MECOM: variants seen among roughly 807,000 people sequenced by gnomAD.
MECOM encodes MDS1 and EVI1 complex locus.
A neutral mutation model predicts 116.3 loss-of-function variants in MECOM; 13 were observed. The observed-to-expected ratio is 0.11, with a 90% CI of 0.07 to 0.18. The LOEUF is 0.18. Ranked by LOEUF, MECOM falls within the 10% of genes least tolerant of loss-of-function variation. MECOM has a pLI of 1.00. For synonymous variants in MECOM, 528 were observed against 535.2 expected, an observed-to-expected ratio of 0.99 and a Z score of 0.19; for missense variants, 1,299 against 1,509.0, an observed-to-expected ratio of 0.86 and a Z score of 2.31.
intron 1 of MECOM, chr3:169,484,174 C>T (rs897171753): frequency 2.1e-5 from 13 of 631,382 alleles, no homozygotes; most frequent in African/African-American, 1.8e-4. Flanking sequence ...TTGCCCAATC[C>T]CATTACTGCT....
intron 1 of MECOM, among the ~76,000 whole-genome samples, chr3:169,401,545 C>T (rs1577988187): frequency 6.6e-6 from 1 of 152,100 alleles, no homozygotes; most frequent in Admixed American, 6.5e-5. Flanking sequence ...ACATAGTACC[C>T]ACGATCAACG....
intron 12 of MECOM, among the ~76,000 whole-genome samples, chr3:169,100,334 A>T (rs139977333): frequency 6.6e-6 from 1 of 151,908 alleles, no homozygotes; most frequent in Non-Finnish European, 1.5e-5. Flanking sequence ...CCTGACCTCA[A>T]GGGATCCACC....
intron 2 of MECOM, among the ~76,000 whole-genome samples, chr3:169,177,481 G>A (rs74977667): frequency 3.3e-5 from 5 of 152,052 alleles, no homozygotes; most frequent in Admixed American, 6.6e-5. Flanking sequence ...GGTGGAGGGC[G>A]AGGGGAAGGA....
intron 1 of MECOM, among the ~76,000 whole-genome samples, chr3:169,383,325 C>T (rs1032952505): frequency 3.3e-5 from 5 of 152,158 alleles, no homozygotes; most frequent in African/African-American, 1.2e-4. Flanking sequence ...AACATACAAG[C>T]TCATTATCAT....
Position 169,116,398 on chromosome 3 carries a change from G to A in MECOM, c.1474C>T (p.Pro492Ser). Residue 492 changes from proline to serine, a missense_variant, in exon 8 of 17, where the codon CCT (proline) becomes TCT (serine). Physicochemically the swap from Pro to Ser is moderately conservative, Grantham distance 74. Around this residue, in one of 6 missense-constraint regions of MECOM, gnomAD observed 238 missense variants for 273.1 expected, o/e 0.87. Transcript: ENST00000651503. ...TACAAGCCGGAAGGAAACAGACCAG[G>A]GAAGCTAAAAGAAAATCCAGGAGCT... ...PTAPGFSFSF[P>S]GLFPSGLYHR... 1 of 1,614,168 alleles carries A rather than the reference G, an allele frequency of 6.2e-7. No individual in the cohort carries two copies. The highest frequency in any genetic ancestry group is 8.5e-7 in the Non-Finnish European group (1 of 1,180,038).
chr3:169,588,613 A>ATTTT (rs924890587), intron 1 of MECOM, among the ~76,000 whole-genome samples: 1 of 151,686 alleles, frequency 6.6e-6, no homozygotes, highest in Admixed American at 6.6e-5. Context: ...TGATGGAGAG[A>ATTTT]TTTTTTTTTA....
At chr3:169,520,120 T>C (rs911338691) in intron 1 of MECOM, among the ~76,000 whole-genome samples, 18 of 152,188 alleles carry the variant, frequency 1.2e-4, no homozygotes, top group African/African-American at 4.1e-4. Flanking sequence ...TCTGAGAATG[T>C]AACCAACATG....
intron 2 of MECOM, among the ~76,000 whole-genome samples, chr3:169,380,165 A>G (rs1209036404): frequency 2.0e-5 from 3 of 152,162 alleles, no homozygotes; most frequent in Non-Finnish European, 4.4e-5. Context: ...CTAACCAGAT[A>G]TTCTATTAAT....
chr3:169,535,425 A>C (rs535753558), intron 1 of MECOM, among the ~76,000 whole-genome samples: 1 of 152,306 alleles, frequency 6.6e-6, no homozygotes, highest in Admixed American at 6.5e-5. Context: ...CAAACATGAA[A>C]GAAAATATAG....
intron 2 of MECOM, among the ~76,000 whole-genome samples, chr3:169,317,068 T>C (rs1019224715): frequency 2.0e-5 from 3 of 152,204 alleles, no homozygotes; most frequent in African/African-American, 7.2e-5. Context: ...AAAGAGTTTA[T>C]TCAACAGTTT....
intron 1 of MECOM, among the ~76,000 whole-genome samples, chr3:169,465,037 A>G (rs992686157): frequency 3.9e-5 from 6 of 152,164 alleles, no homozygotes; most frequent in East Asian, 1.9e-4. Context: ...AAATCTTACA[A>G]TGAATACTTA....
At chr3:169,554,773 G>A (rs1761837510) in intron 1 of MECOM, among the ~76,000 whole-genome samples, 2 of 152,202 alleles carry the variant, frequency 1.3e-5, no homozygotes, top group Non-Finnish European at 2.9e-5. Flanking sequence ...CCAAGGAGCA[G>A]CTAGTCAGGC....
At chr3:169,212,513 C>A (rs947074589) in intron 2 of MECOM, among the ~76,000 whole-genome samples, 1 of 150,560 alleles carries the variant, frequency 6.6e-6, no homozygotes, top group Non-Finnish European at 1.5e-5. Flanking sequence ...ACTACTTGCC[C>A]TGTCTTTTAA....
intron 1 of MECOM, among the ~76,000 whole-genome samples, chr3:169,426,412 C>T (rs576018602): frequency 2.6e-5 from 4 of 152,226 alleles, no homozygotes; most frequent in African/African-American, 9.6e-5. Context: ...ACGGTGGACA[C>T]TCAGGCAGGG....
chr3:169,594,893 A>C (rs1221457062), intron 1 of MECOM, among the ~76,000 whole-genome samples: 19 of 146,162 alleles, frequency 1.3e-4, no homozygotes, highest in Non-Finnish European at 2.1e-4. Flanking sequence ...AAAAAAAAAC[A>C]AAAAAAAAAC....
intron 1 of MECOM, among the ~76,000 whole-genome samples, chr3:169,390,780 A>G (rs552991303): frequency 1.3e-5 from 2 of 152,276 alleles, no homozygotes; most frequent in East Asian, 3.9e-4. Flanking sequence ...AGGAGAGACC[A>G]AAACTCAGGA....
chr3:169,248,897 G>T (rs887772857), intron 2 of MECOM, among the ~76,000 whole-genome samples: 1 of 152,238 alleles, frequency 6.6e-6, no homozygotes, highest in Middle Eastern at 3.4e-3. Context: ...CCCCGGAATT[G>T]TAAGGAAATG....
intron 1 of MECOM, among the ~76,000 whole-genome samples, chr3:169,604,590 C>T (rs1768270920): frequency 1.3e-5 from 2 of 152,188 alleles, no homozygotes. Flanking sequence ...GCTGAAGACA[C>T]AGGGAGCCCA....
chr3:169,600,983 T>A (rs1201589680), intron 1 of MECOM, among the ~76,000 whole-genome samples: 1 of 152,236 alleles, frequency 6.6e-6, no homozygotes, highest in African/African-American at 2.4e-5. Flanking sequence ...CAGCTAGGAA[T>A]ATGCAATCAA....
Sources: allele counts gnomAD v4.1 joint callset (sites outside exome capture counted in the v4.1 genomes callset), GRCh38; gene constraint gnomAD v4.1.1; regional missense constraint gnomAD v4.1.1; transcripts MANE v1.5; gene names NCBI Gene and HGNC (gene_info 2026-07-23, HGNC 2026-07-21).